MTMR3: variants seen among roughly 807,000 people sequenced by gnomAD.
The protein encoded by MTMR3 is myotubularin related protein 3.
Under a neutral mutation model 132.4 loss-of-function variants are expected in MTMR3, and 32 were observed. The observed-to-expected ratio is 0.24, with a 90% CI of 0.18 to 0.32. The LOEUF (loss-of-function observed/expected upper bound fraction) is 0.32. Among genes scored for constraint, MTMR3 ranks in the 10% least tolerant of loss-of-function variants. The pLI is 1.00. For synonymous variants in MTMR3, 556 were observed against 550.3 expected, an observed-to-expected ratio of 1.01 and a Z score of -0.14; for missense variants, 1,216 against 1,489.6, an observed-to-expected ratio of 0.82 and a Z score of 3.02.
intron 1 of MTMR3, among the ~76,000 whole-genome samples, chr22:29,923,224 T>TA (rs1373604292): frequency 4.0e-5 from 6 of 151,396 alleles, no homozygotes; most frequent in Non-Finnish European, 7.4e-5. Context: ...TGTAGTTTTT[T>TA]TTTTTATTTT....
chr22:29,904,589 T>C (rs932778319), intron 1 of MTMR3, among the ~76,000 whole-genome samples: 2 of 152,220 alleles, frequency 1.3e-5, no homozygotes, highest in African/African-American at 4.8e-5. Flanking sequence ...GCTTATAATA[T>C]TAGATAACCA....
chr22:29,906,142 C>A (rs2065089543), intron 1 of MTMR3, among the ~76,000 whole-genome samples: 1 of 152,156 alleles, frequency 6.6e-6, no homozygotes, highest in African/African-American at 2.4e-5. Context: ...GTGTGTACCA[C>A]TGTGCCAGGC....
chr22:30,004,543 T>TC (rs927084382), intron 9 of MTMR3: 8 of 152,106 alleles, frequency 5.3e-5, no homozygotes, highest in Admixed American at 1.3e-4. Context: ...CCCTAGGTTT[T>TC]CCCCCCCTTT....
At chr22:29,938,793 T>C (rs573469837) in intron 1 of MTMR3, among the ~76,000 whole-genome samples, 1 of 152,304 alleles carries the variant, frequency 6.6e-6, no homozygotes, top group South Asian at 2.1e-4. Context: ...AGAGGTGATT[T>C]AGAAAACTAT....
intron 12 of MTMR3, 139 bp from the exon 13 acceptor site, chr22:30,012,229 C>G (rs1320538370): frequency 3.6e-6 from 3 of 840,972 alleles, no homozygotes; most frequent in Non-Finnish European, 5.5e-6. Flanking sequence ...TTTATAAACA[C>G]ACAGATTTTT....
intron 2 of MTMR3, among the ~76,000 whole-genome samples, chr22:29,964,909 A>G (rs1359074454): frequency 6.6e-6 from 1 of 151,870 alleles, no homozygotes; most frequent in Non-Finnish European, 1.5e-5. Flanking sequence ...AAGTTGTGCC[A>G]CTCTTCTTTC....
rs568763723 is a variant in MTMR3 at position 29,937,885 on chromosome 22, T to C, written c.-137-19151T>C. Among the ~76,000 whole-genome samples, 5 of 152,292 alleles carry C rather than the reference T, an allele frequency of 3.3e-5. No individual in the cohort carries two copies. In the East Asian group the frequency reaches 5.8e-4, roughly 18 times the overall value. ...TAATTTGGCATCAGTCTGTACTGAG[T>C]TGATGCTTCAGTAGGTTTGAGACAG... On this transcript the variant is annotated intron_variant, in intron 1 of 19. Coordinates refer to ENST00000401950, the MANE Select transcript of MTMR3 (RefSeq NM_021090.4).
chr22:29,886,167 T>C (rs957561259), intron 1 of MTMR3, among the ~76,000 whole-genome samples: 2 of 152,228 alleles, frequency 1.3e-5, no homozygotes, highest in African/African-American at 4.8e-5. Flanking sequence ...CAGTGTTAGT[T>C]ATTAAAAGCT....
chr22:29,905,763 A>G (rs1174895024), intron 1 of MTMR3, among the ~76,000 whole-genome samples: 1 of 152,052 alleles, frequency 6.6e-6, no homozygotes, highest in African/African-American at 2.4e-5. Flanking sequence ...TTATTACTGT[A>G]TTTTTACAGC....
At chr22:30,022,546 C>A in intron 18 of MTMR3, 63 bp from the exon 19 acceptor site, 1 of 1,433,586 alleles carries the variant, frequency 7.0e-7, no homozygotes, top group Non-Finnish European at 9.8e-7. Context: ...CCCAGCATGG[C>A]TCTGCTGGCT....
At chr22:29,939,963 A>G (rs1569014642) in intron 1 of MTMR3, among the ~76,000 whole-genome samples, 1 of 152,102 alleles carries the variant, frequency 6.6e-6, no homozygotes, top group African/African-American at 2.4e-5. Flanking sequence ...CCTTGCGATC[A>G]TGTACTTTGT....
At chr22:29,892,069 C>T (rs568463663) in intron 1 of MTMR3, among the ~76,000 whole-genome samples, 1 of 151,910 alleles carries the variant, frequency 6.6e-6, no homozygotes, top group South Asian at 2.1e-4. Context: ...AGGATAATCT[C>T]TTGAACCCAG....
chr22:29,906,854 G>A (rs1372310039), intron 1 of MTMR3, among the ~76,000 whole-genome samples: 1 of 151,864 alleles, frequency 6.6e-6, no homozygotes, highest in East Asian at 2.0e-4. Context: ...GAGGCAGATG[G>A]ATCACTTGAG....
At chr22:29,951,785 A>G (rs1207822040) in intron 1 of MTMR3, among the ~76,000 whole-genome samples, 2 of 152,018 alleles carry the variant, frequency 1.3e-5, no homozygotes, top group African/African-American at 2.4e-5. Context: ...ATACTTACAC[A>G]TGATTGATCT....
At chr22:29,993,118 G>A (rs553832558) in intron 7 of MTMR3, 1 of 152,312 alleles carries the variant, frequency 6.6e-6, no homozygotes, top group Admixed American at 6.5e-5. Context: ...GGAGCCTCAG[G>A]GAAAGCCTCA....
At chr22:29,981,964 C>A (rs377722005) in intron 5 of MTMR3, 1 of 151,964 alleles carries the variant, frequency 6.6e-6, no homozygotes, top group Admixed American at 6.6e-5. Context: ...AATCCCAGCA[C>A]TTTGGGAGGC....
intron 1 of MTMR3, among the ~76,000 whole-genome samples, chr22:29,911,621 C>A (rs73396856): frequency 2.6e-5 from 4 of 151,102 alleles, no homozygotes; most frequent in African/African-American, 9.7e-5. Flanking sequence ...GAATTTTGAC[C>A]AGTATATTTA....
At position 30,021,827 on chromosome 22, in the gene MTMR3, C is replaced by T; in HGVS notation, c.3226-202C>T. 9 of 574,412 alleles carry T rather than the reference C, an allele frequency of 1.6e-5. No homozygotes were observed. The South Asian group carries it at 1.7e-4, about 11-fold the overall frequency. 35.6% of individuals were successfully genotyped at this position (574,412 alleles called of 1,614,324 possible). On this transcript the variant is annotated intron_variant, in intron 17 of 19. Coordinates refer to ENST00000401950, the MANE Select transcript of MTMR3 (RefSeq NM_021090.4). ...CTACTCCAGAGTCACTGCACACAACCTGTGTATCCCTCTCCCAGCTGAGCC... is the reference window on the plus strand; with the variant it reads ...CTACTCCAGAGTCACTGCACACAACTTGTGTATCCCTCTCCCAGCTGAGCC...
Position 29,933,439 on chromosome 22 carries a change from G to A in MTMR3, c.-137-23597G>A, listed in dbSNP as rs111486498. 5.3e-3 allele frequency among the ~76,000 whole-genome samples: 810 copies of A among 151,998 alleles called. 6 individuals carry two copies. The highest frequency in any genetic ancestry group is 0.018 in the African/African-American group (755 of 41,462). ...CATCACAGTTGGCAAAATATTTCTC[G>A]TGCTATCTCAGATTTGTATACCATC... On this transcript the variant is annotated intron_variant, in intron 1 of 19. Coordinates refer to ENST00000401950, the MANE Select transcript of MTMR3 (RefSeq NM_021090.4).
Sources: allele counts gnomAD v4.1 joint callset (sites outside exome capture counted in the v4.1 genomes callset), GRCh38; gene constraint gnomAD v4.1.1; transcripts MANE v1.5; gene names NCBI Gene and HGNC (gene_info 2026-07-23, HGNC 2026-07-21).